The following TAF4B variants were observed in gnomAD, a reference collection of about 807,000 sequenced individuals.
TAF4B encodes TATA-box binding protein associated factor 4b.
Under a neutral mutation model 86.4 loss-of-function variants are expected in TAF4B, and 38 were observed. The observed-to-expected ratio is 0.44, with a 90% CI of 0.34 to 0.58. TAF4B has a LOEUF of 0.58. Among genes scored for constraint, TAF4B ranks in the 20% least tolerant of loss-of-function variants. The pLI is 0.02. For missense variants in TAF4B, 988 were observed against 1,027.6 expected (o/e 0.96, Z 0.53); for synonymous variants, 388 against 391.2 (o/e 0.99, Z 0.10).
intron 9 of TAF4B, among the ~76,000 whole-genome samples, chr18:26,308,741 G>A (rs914295940): frequency 6.6e-6 from 1 of 151,810 alleles, no homozygotes; most frequent in African/African-American, 2.4e-5. Context: ...GTGTGGTGGT[G>A]CATGCCTGTA....
chr18:26,346,801 G>GTGTATATA (rs1298359765), intron 13 of TAF4B, among the ~76,000 whole-genome samples: 15 of 18,246 alleles, frequency 8.2e-4, no homozygotes, highest in African/African-American at 1.5e-3. Flanking sequence ...ATATATATGT[G>GTGTATATA]TATATATATA....
At chr18:26,267,656 T>A in intron 3 of TAF4B, 33 bp downstream of exon 3, 1 of 1,462,112 alleles carries the variant, frequency 6.8e-7, no homozygotes, top group Non-Finnish European at 9.6e-7. Flanking sequence ...GCACTTGTTG[T>A]TCTCTTAACT....
At chr18:26,246,849 T>A (rs1037485431) in intron 1 of TAF4B, among the ~76,000 whole-genome samples, 2 of 147,664 alleles carry the variant, frequency 1.4e-5, no homozygotes, top group African/African-American at 5.0e-5. Context: ...CATTCTTTTT[T>A]TTTTCTTTTT....
chr18:26,326,923 T>C, intron 11 of TAF4B, 92 bp from the exon 12 acceptor site: 1 of 1,357,652 alleles, frequency 7.4e-7, no homozygotes, highest in Non-Finnish European at 9.7e-7. Context: ...TTTATGTTGG[T>C]ATTCCTGCCT....
intron 1 of TAF4B, chr18:26,255,871 G>T: frequency 1.5e-6 from 2 of 1,295,302 alleles, no homozygotes; most frequent in Non-Finnish European, 2.2e-6. Context: ...TAGTATGTGA[G>T]ATCTAAAAAG....
At chr18:26,322,318 A>G (rs781721099) in intron 11 of TAF4B, among the ~76,000 whole-genome samples, 4 of 152,158 alleles carry the variant, frequency 2.6e-5, no homozygotes, top group South Asian at 4.1e-4. Context: ...ACTACATATG[A>G]TTGCCAAGGT....
In TAF4B at chr18:26,227,479, T is replaced by TA. The variant is rs1426232232; in HGVS notation, c.343+204dup. 2.0e-5 allele frequency among the ~76,000 whole-genome samples: 3 copies of TA among 152,216 alleles called. No homozygotes were observed. The South Asian group carries it at 6.2e-4, about 32-fold the overall frequency. On this transcript the variant is annotated intron_variant, in intron 1 of 14. Transcript: ENST00000269142. ...GGAAAGAATCTTTTCACCTAAGTGA[T>TA]ACAGTAAAAAGCTACATCAGCGTAT...
rs994983244 is a variant in TAF4B, at chr18:26,345,715, C to T, written c.2316+10484C>T. Reference sequence around the variant, plus strand: ...ACCTCCTCCATAAAATTGGAAGAGGCGACTTTTCTACCACATGAATGGAAA... The same window carrying T: ...ACCTCCTCCATAAAATTGGAAGAGGTGACTTTTCTACCACATGAATGGAAA... On this transcript the variant is annotated intron_variant, in intron 13 of 14. Coordinates refer to ENST00000269142, the MANE Select transcript of TAF4B (RefSeq NM_005640.3). Among the ~76,000 whole-genome samples, 16 of 151,988 alleles carry T rather than the reference C, an allele frequency of 1.1e-4. No homozygotes were observed. The East Asian group carries it at 1.4e-3, about 13-fold the overall frequency.
intron 6 of TAF4B, among the ~76,000 whole-genome samples, chr18:26,285,222 G>GTTTTTTTTGTTTTTTTTTTTTTTTTTTT (rs1555677504): frequency 2.2e-5 from 1 of 45,660 alleles, no homozygotes; most frequent in Non-Finnish European, 4.5e-5. Flanking sequence ...TTTTTTTTTT[G>GTTTTTTTTGTTTTTTTTTTTTTTTTTTT]TTTTTTTTTT....
chr18:26,232,339 G>A (rs868857807), intron 1 of TAF4B, among the ~76,000 whole-genome samples: 9 of 152,124 alleles, frequency 5.9e-5, no homozygotes, highest in African/African-American at 1.7e-4. Context: ...AGTGTCCTCT[G>A]GAGGTGAATT....
chr18:26,363,370 CAAAAAAAAAAAAAAA>C (rs58802058), intron 14 of TAF4B, among the ~76,000 whole-genome samples: 3 of 35,074 alleles, frequency 8.6e-5, no homozygotes, highest in Admixed American at 4.0e-4. Flanking sequence ...CTGTCTCTAC[CAAAAAAAAAAAAAAA>C]AAAAAAAAAA....
intron 5 of TAF4B, among the ~76,000 whole-genome samples, chr18:26,279,945 G>A (rs1387833614): frequency 6.6e-6 from 1 of 151,994 alleles, no homozygotes; most frequent in Non-Finnish European, 1.5e-5. Flanking sequence ...TCAGGAGGCC[G>A]AGGCAGGGGA....
At chr18:26,241,577 C>G (rs2055839746) in intron 1 of TAF4B, among the ~76,000 whole-genome samples, 1 of 152,060 alleles carries the variant, frequency 6.6e-6, no homozygotes, top group East Asian at 1.9e-4. Flanking sequence ...TTTTGTGTCT[C>G]TATCTCCTTC....
At chr18:26,279,954 G>T (rs2056427475) in intron 5 of TAF4B, among the ~76,000 whole-genome samples, 1 of 151,980 alleles carries the variant, frequency 6.6e-6, no homozygotes, top group African/African-American at 2.4e-5. Context: ...CGAGGCAGGG[G>T]AATTGCCTGA....
At chr18:26,232,940 A>G (rs2055694406) in intron 1 of TAF4B, among the ~76,000 whole-genome samples, 2 of 152,136 alleles carry the variant, frequency 1.3e-5, no homozygotes, top group South Asian at 4.1e-4. Flanking sequence ...TATTAGTTGT[A>G]TGGCCCTGCG....
chr18:26,346,807 ATATATATATG>A (rs1567913833), intron 13 of TAF4B, among the ~76,000 whole-genome samples: 215 of 31,244 alleles, frequency 6.9e-3, no homozygotes, highest in East Asian at 0.02. Context: ...ATGTGTATAT[ATATATATATG>A]TGTGTGTATA....
At chr18:26,238,904 A>G (rs1037079551) in intron 1 of TAF4B, among the ~76,000 whole-genome samples, 1 of 152,130 alleles carries the variant, frequency 6.6e-6, no homozygotes, top group Non-Finnish European at 1.5e-5. Context: ...CCATGTCCCT[A>G]CAAAGGACAT....
chr18:26,371,752 T>G (rs2057407462), intron 14 of TAF4B, among the ~76,000 whole-genome samples: 1 of 152,158 alleles, frequency 6.6e-6, no homozygotes, highest in Admixed American at 6.6e-5. Flanking sequence ...AGTAAATGAT[T>G]ATACTCCCGC....
At chr18:26,237,132 G>A (rs545292851) in intron 1 of TAF4B, among the ~76,000 whole-genome samples, 222 of 152,280 alleles carry the variant, frequency 1.5e-3, no homozygotes, top group African/African-American at 5.0e-3. Flanking sequence ...GTGGGGATCC[G>A]TACTAGGGAT....
Sources: gnomAD v4.1 joint callset for allele counts (sites outside exome capture counted in the v4.1 genomes callset) on GRCh38, gnomAD v4.1.1 for gene constraint, MANE v1.5 for transcripts, NCBI Gene and HGNC (gene_info 2026-07-23, HGNC 2026-07-21) for gene names.